SORCS2: variants seen among roughly 807,000 people sequenced by gnomAD.
The protein encoded by SORCS2 is sortilin related VPS10 domain containing receptor 2.
In SORCS2, 100 loss-of-function variants were observed where a neutral mutation model predicts 141.6. That is an observed-to-expected ratio of 0.71 (90% confidence interval 0.60 to 0.83). SORCS2 has a LOEUF of 0.83. SORCS2 is among the 40% of genes least tolerant of loss of function. The pLI is 0.00. For synonymous variants in SORCS2, 789 were observed against 676.9 expected (o/e 1.17, Z -2.57); for missense variants, 1,646 against 1,560.2 (o/e 1.05, Z -0.93).
intron 1 of SORCS2, among the ~76,000 whole-genome samples, chr4:7,383,932 A>G (rs548863794): frequency 6.6e-6 from 1 of 152,356 alleles, no homozygotes; most frequent in South Asian, 2.1e-4. Context: ...TCCCTTAAAC[A>G]GATTTAATGT....
At chr4:7,701,434 A>G (rs71601870) in intron 12 of SORCS2, among the ~76,000 whole-genome samples, 14,474 of 152,278 alleles carry the variant, frequency 0.095, 917 homozygotes, top group Middle Eastern at 0.14. Context: ...CCAGGAGGAA[A>G]CGCCTGGGGA....
chr4:7,562,417 A>T (rs1157466310), intron 3 of SORCS2, among the ~76,000 whole-genome samples: 2 of 152,084 alleles, frequency 1.3e-5, no homozygotes, highest in Non-Finnish European at 2.9e-5. Flanking sequence ...GAGGCTGGGG[A>T]GACAGTAGGC....
intron 1 of SORCS2, among the ~76,000 whole-genome samples, chr4:7,373,174 A>G (rs552075897): frequency 4.6e-5 from 7 of 151,718 alleles, no homozygotes; most frequent in Non-Finnish European, 8.8e-5. Flanking sequence ...TTTCCGAAGA[A>G]GCTGTGTCCT....
At chr4:7,459,917 A>T (rs1729184528) in intron 2 of SORCS2, 1 of 153,750 alleles carries the variant, frequency 6.5e-6, no homozygotes, top group Non-Finnish European at 1.5e-5. Context: ...AGAGGCAAGG[A>T]GCAGCTGGGA....
chr4:7,595,244 G>T (rs1248793581), intron 3 of SORCS2, among the ~76,000 whole-genome samples: 1 of 152,176 alleles, frequency 6.6e-6, no homozygotes, highest in Non-Finnish European at 1.5e-5. Flanking sequence ...ACGAGGCAGG[G>T]CATGGGGTGA....
At chr4:7,661,208 G>A (rs1465752592) in intron 5 of SORCS2, among the ~76,000 whole-genome samples, 3 of 150,520 alleles carry the variant, frequency 2.0e-5, no homozygotes, top group Admixed American at 2.0e-4. Flanking sequence ...ATGGCAGGAA[G>A]AAACCCAACC....
At chr4:7,440,123 A>G (rs1002114775) in intron 2 of SORCS2, among the ~76,000 whole-genome samples, 2 of 152,154 alleles carry the variant, frequency 1.3e-5, no homozygotes, top group African/African-American at 4.8e-5. Flanking sequence ...TGTAAACCCC[A>G]TTTGTTTCAA....
chr4:7,428,109 C>T (rs915189829), intron 2 of SORCS2, among the ~76,000 whole-genome samples: 15 of 152,164 alleles, frequency 9.9e-5, no homozygotes, highest in Middle Eastern at 3.4e-3. Flanking sequence ...CCCATCTGCC[C>T]GTGGCTTCAC....
intron 1 of SORCS2, among the ~76,000 whole-genome samples, chr4:7,360,519 C>G (rs947254424): frequency 6.8e-6 from 1 of 146,930 alleles, no homozygotes; most frequent in African/African-American, 2.5e-5. Flanking sequence ...CCAGTCCAGG[C>G]TCTGTGGCAT....
intron 3 of SORCS2, among the ~76,000 whole-genome samples, chr4:7,600,270 C>A (rs1343011590): frequency 6.6e-6 from 1 of 152,168 alleles, no homozygotes; most frequent in Non-Finnish European, 1.5e-5. Context: ...ATTTATCTTA[C>A]CATGCTGGAG....
chr4:7,579,386 A>T (rs1265367096), intron 3 of SORCS2, among the ~76,000 whole-genome samples: 1 of 152,094 alleles, frequency 6.6e-6, no homozygotes, highest in East Asian at 1.9e-4. Context: ...CCTGTGTGCA[A>T]TATCATCATA....
chr4:7,218,228 A>G (rs997380946), intron 1 of SORCS2, among the ~76,000 whole-genome samples: 2 of 152,166 alleles, frequency 1.3e-5, no homozygotes, highest in Non-Finnish European at 2.9e-5. Flanking sequence ...TCCTCACTGC[A>G]CTTGGCCGGC....
chr4:7,479,551 G>C (rs1325369377), intron 2 of SORCS2, among the ~76,000 whole-genome samples: 2 of 152,222 alleles, frequency 1.3e-5, no homozygotes, highest in Admixed American at 1.3e-4. Flanking sequence ...CGCTGCCAGG[G>C]AGAGGGCTCT....
chr4:7,695,502 G>C (rs1462902296), intron 11 of SORCS2, among the ~76,000 whole-genome samples: 1 of 53,796 alleles, frequency 1.9e-5, no homozygotes, highest in Admixed American at 2.1e-4. Flanking sequence ...GTGGGTGGGT[G>C]AGTGGATGGG....
chr4:7,543,078 C>A (rs988138497), intron 3 of SORCS2, among the ~76,000 whole-genome samples: 5 of 152,214 alleles, frequency 3.3e-5, no homozygotes, highest in African/African-American at 1.2e-4. Flanking sequence ...TGGCAGTGGA[C>A]AGCCCAGGTT....
chr4:7,412,140 C>G (rs1188608374), intron 2 of SORCS2, among the ~76,000 whole-genome samples: 3 of 152,236 alleles, frequency 2.0e-5, no homozygotes, highest in Non-Finnish European at 2.9e-5. Flanking sequence ...TGGGTCCCAG[C>G]TTCTGCTGTA....
chr4:7,406,368 C>CTTTT (rs34345581), intron 2 of SORCS2, among the ~76,000 whole-genome samples: 2,542 of 143,600 alleles, frequency 0.018, 84 homozygotes, highest in African/African-American at 0.061. Flanking sequence ...GGATCCTAGG[C>CTTTT]TTTTTTTTTT....
intron 1 of SORCS2, among the ~76,000 whole-genome samples, chr4:7,343,789 G>T (rs1720503483): frequency 6.6e-6 from 1 of 152,182 alleles, no homozygotes; most frequent in African/African-American, 2.4e-5. Context: ...CCTCAAGATG[G>T]GGGCAGCTCT....
At chr4:7,242,048 A>G (rs954947310) in intron 1 of SORCS2, among the ~76,000 whole-genome samples, 3 of 152,026 alleles carry the variant, frequency 2.0e-5, no homozygotes, top group Non-Finnish European at 4.4e-5. Flanking sequence ...CCTCTCTGTT[A>G]TTACATCACC....
Sources: allele counts gnomAD v4.1 joint callset (sites outside exome capture counted in the v4.1 genomes callset), GRCh38; gene constraint gnomAD v4.1.1; transcripts MANE v1.5; gene names NCBI Gene and HGNC (gene_info 2026-07-23, HGNC 2026-07-21).